The following NLGN1 variants were observed in gnomAD, a reference collection of about 807,000 sequenced individuals.
The protein encoded by NLGN1 is neuroligin-1.
A neutral mutation model predicts 65.5 loss-of-function variants in NLGN1; 12 were observed. That is an observed-to-expected ratio of 0.18 (90% confidence interval 0.12 to 0.30). The LOEUF is 0.30. NLGN1 is among the 10% of genes least tolerant of loss of function. NLGN1 has a pLI of 1.00. For synonymous variants in NLGN1, 350 were observed against 359.5 expected (o/e 0.97, Z 0.30); for missense variants, 750 against 1,007.1 (o/e 0.74, Z 3.46).
At chr3:173,528,597 T>G (rs556466089) in intron 2 of NLGN1, among the ~76,000 whole-genome samples, 2 of 152,312 alleles carry the variant, frequency 1.3e-5, no homozygotes, top group South Asian at 4.1e-4. Flanking sequence ...TTTGGTCACT[T>G]CACATAATTC....
intron 4 of NLGN1, among the ~76,000 whole-genome samples, chr3:174,265,188 T>G (rs1460686881): frequency 1.3e-5 from 2 of 151,748 alleles, no homozygotes; most frequent in Non-Finnish European, 2.9e-5. Context: ...CAGGCCTCCT[T>G]GAGCTGTGGT....
chr3:174,279,199 G>GTAGA lies in NLGN1; in HGVS notation c.1202_1205dup (p.Ser402ArgfsTer2). On this transcript the variant is annotated frameshift_variant, in exon 6 of 7. Coordinates refer to ENST00000457714, the Ensembl canonical transcript of NLGN1. LOFTEE classifies it high-confidence loss of function. The surrounding 1 kb of genome is among the most constrained non-coding windows in gnomAD (Gnocchi z 4.7). ...AGGGTTAAAATTTGTTGAAAATATA[G>GTAGA]TAGATAGCGATGATGGTATATCAGC... The GTAGA allele has an allele frequency of 6.2e-7, 1 of 1,613,318 alleles. No individual in the cohort carries two copies. The highest frequency in any genetic ancestry group is 8.5e-7 in the Non-Finnish European group (1 of 1,179,540).
chr3:173,671,325 C>G (rs1032060543), intron 3 of NLGN1, among the ~76,000 whole-genome samples: 1 of 152,110 alleles, frequency 6.6e-6, no homozygotes, highest in African/African-American at 2.4e-5. Flanking sequence ...AATGGCGAAA[C>G]CCCGCCTCTA....
chr3:173,426,991 T>C (rs146358015), intron 1 of NLGN1, among the ~76,000 whole-genome samples: 5 of 152,170 alleles, frequency 3.3e-5, no homozygotes, highest in African/African-American at 9.6e-5. Flanking sequence ...AAATTACTGA[T>C]TCAACCTCAT....
chr3:173,742,901 G>C (rs376375535), intron 3 of NLGN1, among the ~76,000 whole-genome samples: 7 of 152,198 alleles, frequency 4.6e-5, no homozygotes, highest in African/African-American at 1.7e-4. Flanking sequence ...TATTCCTCCA[G>C]ATTTGAGGGG....
At chr3:173,921,253 A>C (rs1040813250) in intron 4 of NLGN1, among the ~76,000 whole-genome samples, 2 of 147,582 alleles carry the variant, frequency 1.4e-5, no homozygotes, top group African/African-American at 4.9e-5. Flanking sequence ...ATATATATGT[A>C]GTATATATAA....
intron 3 of NLGN1, among the ~76,000 whole-genome samples, chr3:173,763,878 C>T (rs527706350): frequency 9.9e-5 from 15 of 152,256 alleles, no homozygotes; most frequent in African/African-American, 3.6e-4. Flanking sequence ...TCACAACCCA[C>T]TTACCCTTTC....
Position 173,822,451 on chromosome 3 carries a change from A to G in NLGN1, c.646+14619A>G, listed in dbSNP as rs141020860. Among the ~76,000 whole-genome samples, 5 of 152,296 alleles carry G rather than the reference A, an allele frequency of 3.3e-5. No homozygotes were observed. The East Asian group carries it at 9.6e-4, about 29-fold the overall frequency. On this transcript the variant is annotated intron_variant, in intron 4 of 6. Coordinates refer to ENST00000457714, the Ensembl canonical transcript of NLGN1. ...TGAGAAAACTACTGATTATAGGTTG[A>G]ACATTTCTAATCCAAAAATCTAATA... is the stretch of plus-strand genomic sequence containing the variant.
At chr3:173,569,646 T>C (rs1302807062) in intron 2 of NLGN1, among the ~76,000 whole-genome samples, 2 of 152,042 alleles carry the variant, frequency 1.3e-5, no homozygotes, top group Non-Finnish European at 2.9e-5. Flanking sequence ...TTTCAGATGC[T>C]TGCTGTTTCT....
chr3:173,649,546 G>T (rs565151161), intron 3 of NLGN1, among the ~76,000 whole-genome samples: 1 of 152,184 alleles, frequency 6.6e-6, no homozygotes, highest in East Asian at 1.9e-4. Flanking sequence ...AAATTCAAAT[G>T]AAATGCCATA....
chr3:174,189,520 T>G (rs776985722), intron 4 of NLGN1, among the ~76,000 whole-genome samples: 9 of 152,002 alleles, frequency 5.9e-5, no homozygotes, highest in Non-Finnish European at 1.3e-4. Flanking sequence ...GGAGAAAATC[T>G]TAAGTTATAT....
chr3:174,224,907 A>G (rs1378744813), intron 4 of NLGN1, among the ~76,000 whole-genome samples: 2 of 152,188 alleles, frequency 1.3e-5, no homozygotes, highest in African/African-American at 2.4e-5. Context: ...AGATAAGCCA[A>G]AGAGGTCAAC....
At chr3:173,807,628 A>G in intron 3 of NLGN1, 52 bp from the exon 4 acceptor site, 1 of 1,584,762 alleles carries the variant, frequency 6.3e-7, no homozygotes, top group Non-Finnish European at 8.6e-7. Flanking sequence ...TCTCTGCTTC[A>G]TTGTGTGTTA....
chr3:173,648,082 T>C lies in NLGN1; in HGVS notation c.493+42991T>C, dbSNP rs1758560223. ...AAGTCATATGGAAGTGCAAAGAACC[T>C]AGAATTTTTAAAACAACACTGAAAA... is the stretch of plus-strand genomic sequence containing the variant. On this transcript the variant is annotated intron_variant, in intron 3 of 6. Transcript: ENST00000457714. 2.6e-5 allele frequency among the ~76,000 whole-genome samples: 4 copies of C among 151,876 alleles called. No homozygotes were observed. In the South Asian group the frequency reaches 8.3e-4, roughly 32 times the overall value.
chr3:173,670,456 A>G (rs1762303062), intron 3 of NLGN1, among the ~76,000 whole-genome samples: 1 of 152,124 alleles, frequency 6.6e-6, no homozygotes, highest in African/African-American at 2.4e-5. Flanking sequence ...CAAAAATGCT[A>G]TGCTTTTGAG....
chr3:173,960,542 C>G (rs1045964094), intron 4 of NLGN1, among the ~76,000 whole-genome samples: 2 of 151,862 alleles, frequency 1.3e-5, no homozygotes, highest in African/African-American at 4.8e-5. Context: ...GAATATGTGG[C>G]TTAAGACGTA....
At chr3:173,539,655 ATG>A (rs1335638548) in intron 2 of NLGN1, among the ~76,000 whole-genome samples, 4 of 140,100 alleles carry the variant, frequency 2.9e-5, no homozygotes, top group South Asian at 2.1e-4. Flanking sequence ...TATATAACAT[ATG>A]TGTATATATG....
chr3:173,955,932 A>G (rs181363032), intron 4 of NLGN1, among the ~76,000 whole-genome samples: 1 of 152,162 alleles, frequency 6.6e-6, no homozygotes, highest in Non-Finnish European at 1.5e-5. Context: ...AATACACAAG[A>G]ATACATATAG....
At chr3:174,032,074 T>C (rs1730144996) in intron 4 of NLGN1, among the ~76,000 whole-genome samples, 1 of 152,100 alleles carries the variant, frequency 6.6e-6, no homozygotes, top group South Asian at 2.1e-4. Context: ...TAACCAGGCA[T>C]GGTGTTAATT....
Sources: gnomAD v4.1 joint callset for allele counts (sites outside exome capture counted in the v4.1 genomes callset) on GRCh38, gnomAD v4.1.1 for gene constraint, Gnocchi (gnomAD v3.1) non-coding constraint, MANE v1.5 for transcripts, NCBI Gene and HGNC (gene_info 2026-07-23, HGNC 2026-07-21) for gene names.